The following CDC42BPA variants were observed in gnomAD, a reference collection of about 807,000 sequenced individuals.
CDC42BPA encodes CDC42 binding protein kinase alpha.
CDC42BPA carries 80 observed loss-of-function variants against 223.5 expected under a neutral mutation model. That is an observed-to-expected ratio of 0.36 (90% confidence interval 0.30 to 0.43). The LOEUF is 0.43. CDC42BPA is among the 20% of genes least tolerant of loss of function. The pLI is 1.00. For missense variants in CDC42BPA, 1,743 were observed against 2,099.9 expected, an observed-to-expected ratio of 0.83 and a Z score of 3.32; for synonymous variants, 694 against 718.6, an observed-to-expected ratio of 0.97 and a Z score of 0.55.
At chr1:227,252,684 C>A (rs1164733073) in intron 2 of CDC42BPA, among the ~76,000 whole-genome samples, 1 of 152,064 alleles carries the variant, frequency 6.6e-6, no homozygotes, top group African/African-American at 2.4e-5. Flanking sequence ...AAGGGGGTAA[C>A]ATATCACAAG....
At chr1:227,273,188 C>T (rs936121741) in intron 1 of CDC42BPA, among the ~76,000 whole-genome samples, 3 of 152,020 alleles carry the variant, frequency 2.0e-5, no homozygotes, top group Non-Finnish European at 4.4e-5. Context: ...ATCTCAGCTA[C>T]TCGGGAGGTT....
chr1:227,096,261 C>T (rs762919458), intron 15 of CDC42BPA, among the ~76,000 whole-genome samples: 6 of 152,118 alleles, frequency 3.9e-5, no homozygotes, highest in African/African-American at 4.8e-5. Flanking sequence ...AAAAAAACTG[C>T]AAAGACTTTC....
chr1:227,105,867 C>T (rs888682412), intron 14 of CDC42BPA, among the ~76,000 whole-genome samples: 1 of 152,010 alleles, frequency 6.6e-6, no homozygotes, highest in Non-Finnish European at 1.5e-5. Flanking sequence ...GGATTGTTTC[C>T]ACCTTTTGGC....
intron 1 of CDC42BPA, among the ~76,000 whole-genome samples, chr1:227,275,039 G>C (rs1686680906): frequency 6.6e-6 from 1 of 151,528 alleles, no homozygotes; most frequent in Non-Finnish European, 1.5e-5. Context: ...AACAATCTAA[G>C]TAACAACCTG....
At chr1:227,103,594 C>T (rs548067618) in intron 14 of CDC42BPA, among the ~76,000 whole-genome samples, 1 of 152,104 alleles carries the variant, frequency 6.6e-6, no homozygotes, top group East Asian at 1.9e-4. Flanking sequence ...CCAAGGGGTG[C>T]ATGGGAAAAT....
At chr1:227,197,109 A>G (rs949783437) in intron 4 of CDC42BPA, among the ~76,000 whole-genome samples, 7 of 152,300 alleles carry the variant, frequency 4.6e-5, no homozygotes, top group African/African-American at 1.7e-4. Flanking sequence ...GTTAGAAATG[A>G]AAGTTATTTG....
rs1408425824 is a variant in CDC42BPA, at chr1:227,316,988, A to T, written c.178+17T>A. ...CCAGCTAAAGATTAACAGTTTCTTT[A>T]AAAATTACAAACTTACCCCATTCTA... On this transcript the variant is annotated intron_variant, in intron 1 of 36. Coordinates refer to ENST00000366766, the MANE Select transcript of CDC42BPA (RefSeq NM_001394014.1). 1 of 1,593,304 alleles carries T rather than the reference A, an allele frequency of 6.3e-7. No individual in the cohort carries two copies. The highest frequency in any genetic ancestry group is 8.6e-7 in the Non-Finnish European group (1 of 1,161,498).
At chr1:227,078,047 G>A (rs1679872672) in intron 17 of CDC42BPA, among the ~76,000 whole-genome samples, 1 of 152,050 alleles carries the variant, frequency 6.6e-6, no homozygotes. Context: ...TTACAAATAA[G>A]TGAAGGTAAA....
intron 35 of CDC42BPA, among the ~76,000 whole-genome samples, chr1:226,997,820 T>C (rs115722884): frequency 6.6e-6 from 1 of 152,246 alleles, no homozygotes; most frequent in African/African-American, 2.4e-5. Flanking sequence ...GAGAGACTTA[T>C]AATTTCCATT....
chr1:227,261,494 C>T (rs1425803289), intron 1 of CDC42BPA, among the ~76,000 whole-genome samples: 2 of 148,672 alleles, frequency 1.3e-5, no homozygotes, highest in African/African-American at 5.2e-5. Flanking sequence ...GTAACACAGA[C>T]CCACACATAC....
intron 6 of CDC42BPA, among the ~76,000 whole-genome samples, chr1:227,159,255 G>A (rs1663398282): frequency 6.6e-6 from 1 of 152,152 alleles, no homozygotes; most frequent in African/African-American, 2.4e-5. Flanking sequence ...GGGAGGCCGA[G>A]GTGGGCAGAT....
chr1:227,038,236 A>T (rs1360782178), intron 24 of CDC42BPA, among the ~76,000 whole-genome samples: 1 of 152,166 alleles, frequency 6.6e-6, no homozygotes, highest in African/African-American at 2.4e-5. Context: ...TTGCCTGCCG[A>T]CATGTAAGAC....
chr1:227,075,641 T>G (rs1266574499), intron 17 of CDC42BPA, among the ~76,000 whole-genome samples: 17 of 152,234 alleles, frequency 1.1e-4, no homozygotes, highest in Non-Finnish European at 2.2e-4. Context: ...TCTAAAATTC[T>G]TTGACTACAA....
At chr1:227,273,857 GAA>G (rs11295895) in intron 1 of CDC42BPA, among the ~76,000 whole-genome samples, 17,753 of 133,824 alleles carry the variant, frequency 0.13, 1,262 homozygotes, top group South Asian at 0.2. Flanking sequence ...AAGAAACAAG[GAA>G]AAAAAAAAAA....
chr1:227,095,890 C>A (rs1051594131), intron 15 of CDC42BPA, among the ~76,000 whole-genome samples: 1 of 152,104 alleles, frequency 6.6e-6, no homozygotes, highest in Non-Finnish European at 1.5e-5. Context: ...CCGTGCCCAG[C>A]AAGGAATAAG....
intron 2 of CDC42BPA, among the ~76,000 whole-genome samples, chr1:227,231,928 G>A (rs1678055424): frequency 6.6e-6 from 1 of 152,152 alleles, no homozygotes; most frequent in African/African-American, 2.4e-5. Context: ...CTCCCATTCT[G>A]TAGGCTGCCT....
intron 23 of CDC42BPA, among the ~76,000 whole-genome samples, chr1:227,041,490 T>C (rs1671365957): frequency 6.6e-6 from 1 of 152,168 alleles, no homozygotes; most frequent in Non-Finnish European, 1.5e-5. Context: ...TAGCATTTAT[T>C]TCAGTAGACA....
intron 22 of CDC42BPA, among the ~76,000 whole-genome samples, chr1:227,050,847 C>T (rs185617984): frequency 4.6e-5 from 7 of 152,160 alleles, no homozygotes; most frequent in African/African-American, 1.7e-4. Context: ...ACGGTATACA[C>T]GAGGATGTTT....
rs538441180 is a variant in CDC42BPA at position 226,990,634 on chromosome 1, C to G, written c.*3634G>C. ...GCTGGGAGACTGCAGTGGTTGTGAT[C>G]CCGGCCAAAGGCGGCAAATGGCCCT... On this transcript the variant is annotated 3_prime_UTR_variant, in exon 37 of 37. Transcript: ENST00000366766. 1 of 152,792 alleles carries G rather than the reference C, an allele frequency of 6.5e-6. No individual in the cohort carries two copies. Among genetic ancestry groups the G allele is most frequent in the Admixed American group, 6.5e-5 (1 of 15,294 alleles). The allele number at this position is 152,792 out of a possible 1,614,324, so 9.5% of individuals were successfully genotyped here.
Sources: gnomAD v4.1 joint callset for allele counts (sites outside exome capture counted in the v4.1 genomes callset) on GRCh38, gnomAD v4.1.1 for gene constraint, MANE v1.5 for transcripts, NCBI Gene and HGNC (gene_info 2026-07-23, HGNC 2026-07-21) for gene names.